The following NCAM2 variants were observed in gnomAD, a reference collection of about 807,000 sequenced individuals.
The protein encoded by NCAM2 is N-CAM-2.
NCAM2 carries 30 observed loss-of-function variants against 98.1 expected under a neutral mutation model. The observed-to-expected ratio is 0.31, with a 90% confidence interval of 0.23 to 0.41. NCAM2 has a LOEUF of 0.41. Among genes scored for constraint, NCAM2 ranks in the 10% least tolerant of loss-of-function variants. The pLI is 1.00. For synonymous variants in NCAM2, 368 were observed against 342.4 expected, an observed-to-expected ratio of 1.07 and a Z score of -0.83; for missense variants, 867 against 1,005.8, an observed-to-expected ratio of 0.86 and a Z score of 1.87.
At chr21:21,482,749 A>C (rs1244894653) in intron 15 of NCAM2, among the ~76,000 whole-genome samples, 8 of 145,224 alleles carry the variant, frequency 5.5e-5, no homozygotes. Flanking sequence ...ATAATTATTA[A>C]AAAATAATTT....
intron 1 of NCAM2, among the ~76,000 whole-genome samples, chr21:21,108,304 G>A (rs1287710759): frequency 6.6e-6 from 1 of 151,960 alleles, no homozygotes; most frequent in East Asian, 1.9e-4. Context: ...GCAGAGTGAG[G>A]CCAGATTTTC....
chr21:21,133,182 T>C (rs1277257182), intron 1 of NCAM2, among the ~76,000 whole-genome samples: 1 of 152,170 alleles, frequency 6.6e-6, no homozygotes, highest in East Asian at 1.9e-4. Context: ...TACAAACAAA[T>C]AGTAAGATAC....
intron 1 of NCAM2, among the ~76,000 whole-genome samples, chr21:21,258,743 A>G (rs1191046911): frequency 6.6e-6 from 1 of 151,910 alleles, no homozygotes; most frequent in Non-Finnish European, 1.5e-5. Flanking sequence ...GGGAACCTCC[A>G]CCCTTGAGTC....
At chr21:21,476,711 TTATATTCTTATGCTAATGATA>T (rs1213735323) in intron 14 of NCAM2, among the ~76,000 whole-genome samples, 4 of 152,042 alleles carry the variant, frequency 2.6e-5, no homozygotes, top group Non-Finnish European at 5.9e-5. Flanking sequence ...TGGCGTTGTT[TTATATTCTTATGCTAATGATA>T]TATTTAAAAC....
intron 1 of NCAM2, among the ~76,000 whole-genome samples, chr21:21,262,913 C>A (rs1158854571): frequency 1.3e-5 from 2 of 152,058 alleles, no homozygotes; most frequent in African/African-American, 4.8e-5. Context: ...AAATCATCAG[C>A]TCTCATGAAA....
intron 15 of NCAM2, among the ~76,000 whole-genome samples, chr21:21,500,020 T>C (rs900761765): frequency 6.6e-6 from 1 of 152,118 alleles, no homozygotes; most frequent in African/African-American, 2.4e-5. Context: ...AAATACTACC[T>C]GTTTATAATT....
chr21:21,432,059 C>T, intron 11 of NCAM2, 49 bp from the exon 12 acceptor site: 4 of 1,550,922 alleles, frequency 2.6e-6, no homozygotes, highest in Non-Finnish European at 3.5e-6. Flanking sequence ...TTAATAATGG[C>T]CATTCCCATT....
At chr21:21,047,175 C>G (rs1364125041) in intron 1 of NCAM2, among the ~76,000 whole-genome samples, 1 of 152,114 alleles carries the variant, frequency 6.6e-6, no homozygotes, top group African/African-American at 2.4e-5. Context: ...TGGAAACACT[C>G]TAAGGATGTT....
In NCAM2 at chr21:21,057,500, A is replaced by G. The variant is rs561815847; in HGVS notation, c.55+58882A>G. ...GAGGTAACTCATACTTTCATTGTAC[A>G]GTGTCGGAGCACTTATATTCCACAA... On this transcript the variant is annotated intron_variant, in intron 1 of 17. Coordinates refer to ENST00000400546, the MANE Select transcript of NCAM2 (RefSeq NM_004540.5). Among the ~76,000 whole-genome samples, 108 of 152,248 alleles carry G rather than the reference A, an allele frequency of 7.1e-4. 1 individual carries two copies. The highest frequency in any genetic ancestry group is 2.4e-3 in the African/African-American group (100 of 41,564).
At chr21:21,057,488 C>G (rs1397347958) in intron 1 of NCAM2, among the ~76,000 whole-genome samples, 1 of 152,104 alleles carries the variant, frequency 6.6e-6, no homozygotes, top group Non-Finnish European at 1.5e-5. Context: ...GTAACTCATA[C>G]TTTCATTGTA....
chr21:21,450,319 T>C (rs939828390), intron 12 of NCAM2, among the ~76,000 whole-genome samples: 2 of 151,826 alleles, frequency 1.3e-5, no homozygotes, highest in African/African-American at 2.4e-5. Context: ...TGTGTGTGTG[T>C]GCCTCATGTG....
intron 1 of NCAM2, among the ~76,000 whole-genome samples, chr21:21,023,378 G>T (rs982441485): frequency 2.0e-5 from 3 of 152,012 alleles, no homozygotes; most frequent in Non-Finnish European, 4.4e-5. Flanking sequence ...GCAAAAATTA[G>T]CCAGGCGTGG....
At chr21:21,396,581 T>G (rs2076512624) in intron 9 of NCAM2, among the ~76,000 whole-genome samples, 1 of 152,018 alleles carries the variant, frequency 6.6e-6, no homozygotes, top group African/African-American at 2.4e-5. Context: ...GTGAACCAGG[T>G]GGGGAGTGGT....
intron 12 of NCAM2, among the ~76,000 whole-genome samples, chr21:21,450,239 A>G (rs1980819637): frequency 1.3e-5 from 2 of 151,950 alleles, no homozygotes; most frequent in African/African-American, 4.8e-5. Flanking sequence ...TATACACATT[A>G]TATATGTATA....
intron 9 of NCAM2, among the ~76,000 whole-genome samples, chr21:21,393,866 C>A (rs2076437823): frequency 6.6e-6 from 1 of 152,000 alleles, no homozygotes; most frequent in Admixed American, 6.6e-5. Flanking sequence ...TATTTTTATT[C>A]ATATTTTATG....
At chr21:21,533,627 GA>G (rs1372731577) in intron 16 of NCAM2, among the ~76,000 whole-genome samples, 1 of 147,586 alleles carries the variant, frequency 6.8e-6, no homozygotes, top group Non-Finnish European at 1.5e-5. Flanking sequence ...AATACAAATT[GA>G]AGTCCCCAAC....
intron 16 of NCAM2, among the ~76,000 whole-genome samples, chr21:21,524,506 T>C (rs1365800669): frequency 1.4e-5 from 2 of 142,638 alleles, no homozygotes; most frequent in African/African-American, 5.2e-5. Context: ...CTCCAGCCTA[T>C]ACAACAAGAG....
At chr21:21,530,311 TATATAATTAAATTAAATTAAATTATAC>T (rs1182208911) in intron 16 of NCAM2, among the ~76,000 whole-genome samples, 17,174 of 122,984 alleles carry the variant, frequency 0.14, 1,475 homozygotes, top group East Asian at 0.23. Context: ...AATTAAATTA[TATATAATTAAATTAAATTAAATTATAC>T]ATAATTAAAT....
At position 21,032,618 on chromosome 21, in the gene NCAM2, G is replaced by A. The variant is rs1479533127; in HGVS notation, c.55+34000G>A. On this transcript the variant is annotated intron_variant, in intron 1 of 17. Coordinates refer to ENST00000400546, the MANE Select transcript of NCAM2 (RefSeq NM_004540.5). ...TATTTCACATCTAAATTCTTCATTT[G>A]CCTTAGTTATAAAATATAGATTAGT... Among the ~76,000 whole-genome samples, 6 of 152,216 alleles carry A rather than the reference G, an allele frequency of 3.9e-5. 1 individual carries two copies. Among genetic ancestry groups the A allele is most frequent in the Non-Finnish European group, 1.5e-5 (1 of 68,014 alleles).
Sources: allele counts gnomAD v4.1 joint callset (sites outside exome capture counted in the v4.1 genomes callset), GRCh38; gene constraint gnomAD v4.1.1; transcripts MANE v1.5; gene names NCBI Gene and HGNC (gene_info 2026-07-23, HGNC 2026-07-21).